The following TSGA10 variants were observed in gnomAD, a reference collection of about 807,000 sequenced individuals.
The protein encoded by TSGA10 is testis specific 10.
In TSGA10, 43 loss-of-function variants were observed where a neutral mutation model predicts 96.6. That is an observed-to-expected ratio of 0.44 (90% CI 0.35 to 0.57). The LOEUF (loss-of-function observed/expected upper bound fraction) is 0.57. Among genes scored for constraint, TSGA10 ranks in the 20% least tolerant of loss-of-function variants. The probability of loss-of-function intolerance (pLI) is 0.01; values close to 1 mark genes in which losing one functional copy is unlikely to be tolerated. For missense variants in TSGA10, 703 were observed against 834.4 expected, an observed-to-expected ratio of 0.84 and a Z score of 1.94; for synonymous variants, 229 against 269.9, an observed-to-expected ratio of 0.85 and a Z score of 1.48.
At chr2:99,123,186 T>C (rs896100736) in intron 2 of TSGA10, among the ~76,000 whole-genome samples, 2 of 152,178 alleles carry the variant, frequency 1.3e-5, no homozygotes, top group African/African-American at 4.8e-5. Flanking sequence ...ACTTTCAGGA[T>C]TTTTTTAGTG....
At chr2:99,026,985 A>G (rs2080654977) in intron 17 of TSGA10, among the ~76,000 whole-genome samples, 3 of 152,114 alleles carry the variant, frequency 2.0e-5, no homozygotes, top group Admixed American at 2.0e-4. Flanking sequence ...TTAGATTCTC[A>G]CAAGGAGTGT....
chr2:99,022,324 CAAAAAAAAAAA>C (rs56381088), intron 17 of TSGA10, among the ~76,000 whole-genome samples: 3 of 43,910 alleles, frequency 6.8e-5, no homozygotes, highest in African/African-American at 1.4e-4. Context: ...GACCCTGTCT[CAAAAAAAAAAA>C]AAAAAAAAAA....
chr2:99,141,672 C>G (rs953079229), intron 1 of TSGA10: 3 of 152,834 alleles, frequency 2.0e-5, no homozygotes, highest in East Asian at 3.9e-4. Context: ...CCTGAGGCTG[C>G]CGCACCTGGA....
chr2:99,152,410 C>T (rs1474170490), intron 1 of TSGA10, among the ~76,000 whole-genome samples: 1 of 152,118 alleles, frequency 6.6e-6, no homozygotes, highest in African/African-American at 2.4e-5. Context: ...CCTCAGCCTC[C>T]TAGTAGCTAG....
At chr2:99,025,925 C>G (rs1433305599) in intron 17 of TSGA10, among the ~76,000 whole-genome samples, 1 of 152,156 alleles carries the variant, frequency 6.6e-6, no homozygotes. Flanking sequence ...TTATCAATCC[C>G]TAACAATTCC....
At chr2:99,119,971 TA>T (rs1332716618) in intron 2 of TSGA10, among the ~76,000 whole-genome samples, 8 of 152,322 alleles carry the variant, frequency 5.3e-5, no homozygotes, top group African/African-American at 1.9e-4. Context: ...AAATGTCTGT[TA>T]ACTTCCCACT....
intron 1 of TSGA10, among the ~76,000 whole-genome samples, chr2:99,153,305 G>C (rs1012164501): frequency 1.3e-5 from 2 of 152,220 alleles, no homozygotes; most frequent in Admixed American, 1.3e-4. Flanking sequence ...CAATGAATGG[G>C]AAGTGAGAAA....
chr2:99,061,522 A>G (rs1040530222), intron 16 of TSGA10, among the ~76,000 whole-genome samples: 1 of 152,194 alleles, frequency 6.6e-6, no homozygotes, highest in Non-Finnish European at 1.5e-5. Flanking sequence ...ACAATAAATT[A>G]CTGTTGACTA....
intron 1 of TSGA10, among the ~76,000 whole-genome samples, chr2:99,140,906 T>C (rs2105101139): frequency 6.6e-6 from 1 of 152,228 alleles, no homozygotes; most frequent in South Asian, 2.1e-4. Context: ...GCTGCCGAGC[T>C]TCCGGCCGGC....
In TSGA10 at chr2:99,071,866, G is replaced by A. The variant is rs2086011727; in HGVS notation, c.947C>T (p.Thr316Ile). Residue 316 changes from threonine to isoleucine, a missense_variant, in exon 14 of 21, where the codon ACT (threonine) becomes ATT (isoleucine). Physicochemically the swap from Thr to Ile is moderately conservative, Grantham distance 89. This residue lies in a region of TSGA10 where 585 missense variants were observed against 656.8 expected (regional missense o/e 0.89). Transcript: ENST00000393483. ...AEMEQASRQC[T>I]EALIVCEQDV... ...TTGTTCACACACAATTAGGGCCTCA[G>A]TACACTGTCTATTCCACAAATCAAA... is the stretch of plus-strand genomic sequence containing the variant. 3 of 1,612,442 alleles carry A rather than the reference G, an allele frequency of 1.9e-6. No individual in the cohort carries two copies. The highest frequency in any genetic ancestry group is 1.7e-5 in the Admixed American group (1 of 59,738).
intron 15 of TSGA10, among the ~76,000 whole-genome samples, chr2:99,066,522 C>T (rs1429280073): frequency 6.6e-6 from 1 of 152,184 alleles, no homozygotes; most frequent in East Asian, 1.9e-4. Context: ...CCTGATAACA[C>T]CTTGTATTTC....
At chr2:99,153,338 T>G (rs1325632827) in intron 1 of TSGA10, among the ~76,000 whole-genome samples, 1 of 152,076 alleles carries the variant, frequency 6.6e-6, no homozygotes, top group African/African-American at 2.4e-5. Context: ...TGTATAGCAG[T>G]TTTTCCAAGA....
chr2:99,130,216 C>A (rs2093011485), intron 1 of TSGA10, among the ~76,000 whole-genome samples: 2 of 152,188 alleles, frequency 1.3e-5, no homozygotes, highest in South Asian at 4.1e-4. Context: ...CACTGTCTTC[C>A]ACAAATTAGT....
chr2:99,028,846 T>C (rs1367298227), intron 17 of TSGA10, among the ~76,000 whole-genome samples: 2 of 152,206 alleles, frequency 1.3e-5, no homozygotes, highest in Non-Finnish European at 2.9e-5. Context: ...GAAAGCTCGT[T>C]GGCTGTATGT....
intron 1 of TSGA10, among the ~76,000 whole-genome samples, chr2:99,133,577 C>T (rs568342332): frequency 6.6e-6 from 1 of 152,222 alleles, no homozygotes; most frequent in East Asian, 1.9e-4. Context: ...GGCATTTAGC[C>T]CATTTACATT....
chr2:99,072,579 C>A (rs574761074), intron 13 of TSGA10, among the ~76,000 whole-genome samples: 10 of 152,310 alleles, frequency 6.6e-5, no homozygotes, highest in Non-Finnish European at 1.3e-4. Flanking sequence ...TTTATCACCA[C>A]CTCTTCTGCT....
intron 1 of TSGA10, among the ~76,000 whole-genome samples, chr2:99,148,667 A>T (rs1559156240): frequency 6.6e-6 from 1 of 152,188 alleles, no homozygotes; most frequent in Non-Finnish European, 1.5e-5. Context: ...TTAAAGACAT[A>T]ATACATTCTA....
intron 12 of TSGA10, among the ~76,000 whole-genome samples, chr2:99,073,484 A>C (rs2104528040): frequency 6.6e-6 from 1 of 152,318 alleles, no homozygotes; most frequent in Non-Finnish European, 1.5e-5. Flanking sequence ...TATAAAACCC[A>C]GAGAAGCCAA....
chr2:99,108,383 T>C (rs1232287672), intron 7 of TSGA10, among the ~76,000 whole-genome samples: 1 of 152,152 alleles, frequency 6.6e-6, no homozygotes, highest in Non-Finnish European at 1.5e-5. Flanking sequence ...ATTTGATTAA[T>C]AAAAGCTATG....
Sources: gnomAD v4.1 joint callset for allele counts (sites outside exome capture counted in the v4.1 genomes callset) on GRCh38, gnomAD v4.1.1 for gene constraint, gnomAD v4.1.1 regional missense constraint, MANE v1.5 for transcripts, NCBI Gene and HGNC (gene_info 2026-07-23, HGNC 2026-07-21) for gene names.